Variants in ANO5 observed in about 807,000 individuals in gnomAD.
The protein encoded by ANO5 is anoctamin-5.
ANO5 carries 109 observed loss-of-function variants against 121.0 expected under a neutral mutation model. The ratio of observed to expected loss-of-function variants is 0.90; its 90% confidence interval spans 0.77 to 1.06. The LOEUF is 1.06. Ranked by LOEUF, ANO5 falls within the 50% of genes least tolerant of loss-of-function variation. ANO5 has a pLI of 0.00. For missense variants in ANO5, 1,064 were observed against 1,078.5 expected, an observed-to-expected ratio of 0.99 and a Z score of 0.19; for synonymous variants, 406 against 359.9, an observed-to-expected ratio of 1.13 and a Z score of -1.45.
intron 1 of ANO5, among the ~76,000 whole-genome samples, chr11:22,196,844 GGTGACAGAGT>G: frequency 6.6e-6 from 1 of 152,056 alleles, no homozygotes; most frequent in Middle Eastern, 3.4e-3. Flanking sequence ...ACTCTAGCCT[GGTGACAGAGT>G]GAGACTCCGT....
At chr11:22,276,244 TAGGC>T (rs1186240729) in intron 21 of ANO5, 45 bp downstream of exon 21, 1 of 1,439,378 alleles carries the variant, frequency 6.9e-7, no homozygotes. Flanking sequence ...CTTCTCTCTT[TAGGC>T]AGATATTTCT....
chr11:22,222,566 A>G (rs1159860924), intron 5 of ANO5, among the ~76,000 whole-genome samples: 1 of 151,666 alleles, frequency 6.6e-6, no homozygotes, highest in Non-Finnish European at 1.5e-5. Flanking sequence ...ATAAGATGCA[A>G]TCGTCTTACT....
At position 22,234,042 on chromosome 11, in the gene ANO5, C is replaced by G. The variant is rs112231292; in HGVS notation, c.649-2121C>G. Among the ~76,000 whole-genome samples, 246 of 152,198 alleles carry G rather than the reference C, an allele frequency of 1.6e-3. 2 individuals carry two copies. Among genetic ancestry groups the G allele is most frequent in the African/African-American group, 5.6e-3 (234 of 41,550 alleles). ...CAAAGAAATTCTTAAGGATCTTGAT[C>G]CTACTTATTTAAAATTTTCATTGAA... On this transcript the variant is annotated intron_variant, in intron 7 of 21. Coordinates refer to ENST00000324559, the MANE Select transcript of ANO5 (RefSeq NM_213599.3).
At chr11:22,250,421 C>G (rs770313649) in intron 10 of ANO5, 50 bp downstream of exon 10, 2 of 1,603,968 alleles carry the variant, frequency 1.2e-6, no homozygotes, top group South Asian at 2.2e-5. Flanking sequence ...TATCTTGTGC[C>G]AAATGAAGTT....
intron 4 of ANO5, among the ~76,000 whole-genome samples, chr11:22,219,243 G>A (rs1158270697): frequency 4.6e-5 from 7 of 151,988 alleles, no homozygotes; most frequent in Non-Finnish European, 7.4e-5. Flanking sequence ...TTCCTAGCTA[G>A]CCTTTGGCTT....
intron 2 of ANO5, 122 bp downstream of exon 2, chr11:22,203,972 A>C (rs1165487615): frequency 3.3e-6 from 2 of 609,432 alleles, no homozygotes; most frequent in Non-Finnish European, 5.5e-6. Context: ...TAATTTATTC[A>C]TTTTTTAAGT....
In ANO5 at chr11:22,226,040, AG is replaced by A. The variant is rs878854367; in HGVS notation, c.352del (p.Glu118LysfsTer23). 6.2e-7 allele frequency: 1 copy of A among 1,606,246 alleles called. No individual in the cohort carries two copies. The highest frequency in any genetic ancestry group is 1.7e-4 in the Middle Eastern group (1 of 6,034). On this transcript the variant is annotated frameshift_variant, in exon 6 of 22. Transcript: ENST00000324559. LOFTEE classifies it high-confidence loss of function. ...LRKTGLELEI[E>X]DKRDSEDGRT... ...GAAAAACAGGTCTTGAGTTGGAAAT[AG>A]AAGACAAAAGGGTAAATGTAGTTGA...
intron 15 of ANO5, among the ~76,000 whole-genome samples, chr11:22,260,811 A>T (rs777654594): frequency 2.5e-4 from 38 of 152,186 alleles, no homozygotes; most frequent in Non-Finnish European, 4.3e-4. Flanking sequence ...TCAGGAAAAC[A>T]TACTTTTCTA....
chr11:22,250,968 T>A lies in ANO5; in HGVS notation c.1137T>A (p.Asp379Glu), dbSNP rs1222519017. Residue 379 changes from aspartate to glutamate, a missense_variant, in exon 12 of 22, where the codon GAT becomes GAA. Physicochemically the swap from Asp to Glu is conservative, Grantham distance 45. Transcript: ENST00000324559. ...TTTTACAGTTCTCCCATTTGTTTGA[T>A]AATGAGTCAACAGTGTTCTTTGCAA... ...CLASKFSHLF[D>E]NESTVFFAIF... 1.2e-6 allele frequency: 2 copies of A among 1,612,700 alleles called. No individual in the cohort carries two copies. Among genetic ancestry groups the A allele is most frequent in the Admixed American group, 1.7e-5 (1 of 60,000 alleles).
Position 22,235,914 on chromosome 11 carries a change from C to G in ANO5, c.649-249C>G, listed in dbSNP as rs4254072. ...AAAGAGGAGGTTTGGACAGGAGAAGCAAAATAAATTATGGTCTGTTCACCC... is the reference window on the plus strand; with the variant it reads ...AAAGAGGAGGTTTGGACAGGAGAAGGAAAATAAATTATGGTCTGTTCACCC... On this transcript the variant is annotated intron_variant, in intron 7 of 21. Transcript: ENST00000324559. Among the ~76,000 whole-genome samples the G allele has an allele frequency of 0.14, 20,599 of 151,936 alleles. 4,019 individuals are homozygous for G. Among genetic ancestry groups the G allele is most frequent in the African/African-American group, 0.43 (17,727 of 41,382 alleles).
intron 4 of ANO5, among the ~76,000 whole-genome samples, chr11:22,219,331 TTGTC>T (rs1223079823): frequency 1.3e-5 from 2 of 152,042 alleles, no homozygotes. Context: ...CTTAGCTACT[TTGTC>T]TGTTTTCTTG....
At chr11:22,238,537 A>C (rs1041671467) in intron 8 of ANO5, among the ~76,000 whole-genome samples, 1 of 151,976 alleles carries the variant, frequency 6.6e-6, no homozygotes, top group Non-Finnish European at 1.5e-5. Context: ...AGTGTTAGGC[A>C]CTGGATTTTC....
chr11:22,229,085 G>A (rs1395134802), intron 7 of ANO5, among the ~76,000 whole-genome samples: 1 of 151,708 alleles, frequency 6.6e-6, no homozygotes, highest in East Asian at 1.9e-4. Flanking sequence ...ATACCAATTT[G>A]TATTCTCATC....
chr11:22,279,084 CTT>C (rs1482656741), intron 21 of ANO5, among the ~76,000 whole-genome samples: 3 of 151,730 alleles, frequency 2.0e-5, no homozygotes, highest in Non-Finnish European at 4.4e-5. Context: ...ATCTAATCCT[CTT>C]GTTTTCAACT....
chr11:22,228,715 C>T (rs924195887), intron 7 of ANO5, among the ~76,000 whole-genome samples: 4 of 151,990 alleles, frequency 2.6e-5, no homozygotes, highest in African/African-American at 9.7e-5. Flanking sequence ...TTTGTAGATT[C>T]CACATATGGC....
intron 17 of ANO5, 150 bp from the exon 18 acceptor site, chr11:22,270,162 T>A (rs1854554903): frequency 4.0e-6 from 4 of 1,003,478 alleles, no homozygotes; most frequent in Non-Finnish European, 4.4e-6. Context: ...GATTTTGACT[T>A]GCGCTTTGGC....
At chr11:22,206,921 TAAAATA>T in intron 2 of ANO5, among the ~76,000 whole-genome samples, 1 of 151,818 alleles carries the variant, frequency 6.6e-6, no homozygotes, top group East Asian at 1.9e-4. Flanking sequence ...GACAAAAAAA[TAAAATA>T]AAAGGTATTC....
At chr11:22,218,406 C>T (rs1031019739) in intron 4 of ANO5, 119 bp downstream of exon 4, 9 of 1,306,590 alleles carry the variant, frequency 6.9e-6, no homozygotes, top group Admixed American at 1.8e-5. Context: ...TTCCTAGTCC[C>T]CAGGCAACTG....
At chr11:22,198,022 A>G (rs1384338780) in intron 1 of ANO5, among the ~76,000 whole-genome samples, 3 of 152,180 alleles carry the variant, frequency 2.0e-5, no homozygotes, top group Admixed American at 6.5e-5. Flanking sequence ...GTCTGAGTCT[A>G]TGGTCTGTGT....
Sources: allele counts gnomAD v4.1 joint callset (sites outside exome capture counted in the v4.1 genomes callset), GRCh38; gene constraint gnomAD v4.1.1; transcripts MANE v1.5; gene names NCBI Gene and HGNC (gene_info 2026-07-23, HGNC 2026-07-21).